PRELID2: variants seen among roughly 807,000 people sequenced by gnomAD.
The protein encoded by PRELID2 is PRELI domain-containing protein 2.
In PRELID2, 25 loss-of-function variants were observed where a neutral mutation model predicts 28.4. The ratio of observed to expected loss-of-function variants is 0.88; its 90% CI spans 0.64 to 1.23. The LOEUF (loss-of-function observed/expected upper bound fraction) is 1.23, where lower values mean the gene tolerates loss of function less well. Among genes scored for constraint, PRELID2 ranks in the 50% most tolerant of loss-of-function variants. PRELID2 has a pLI of 0.00. For synonymous variants in PRELID2, 76 were observed against 71.6 expected (o/e 1.06, Z -0.31); for missense variants, 201 against 214.4 (o/e 0.94, Z 0.39).
chr5:145,700,313 G>T (rs1755377298), intron 1 of PRELID2, among the ~76,000 whole-genome samples: 1 of 151,898 alleles, frequency 6.6e-6, no homozygotes, highest in South Asian at 2.1e-4. Context: ...CAACTTCAGT[G>T]ATGTATGTGA....
chr5:145,835,241 G>A lies in PRELID2; in HGVS notation c.11C>T (p.Ser4Leu), dbSNP rs749764630. 2.0e-5 allele frequency: 31 copies of A among 1,547,586 alleles called. No individual in the cohort carries two copies. The highest frequency in any genetic ancestry group is 7.9e-6 in the Non-Finnish European group (9 of 1,144,632). The change falls in exon 1 of 7, where the codon TCG (serine) becomes TTG (leucine). Residue 4 changes from serine (S) to leucine (L), a missense_variant. Ser to Leu is a moderately radical substitution (Grantham distance 145). Coordinates refer to ENST00000683046, the MANE Select transcript of PRELID2 (RefSeq NM_205846.3). Reference sequence around the variant, plus strand: ...CTTGTACACCTGGTGCACATCCACCGAGACCCCCATCCCCGCGCGCCGCGG... The same window carrying A: ...CTTGTACACCTGGTGCACATCCACCAAGACCCCCATCCCCGCGCGCCGCGG... MGV[S>L]VDVHQVYKYP...
chr5:145,316,276 C>T, the PRELID2 span, among the ~76,000 whole-genome samples: 1 of 152,148 alleles, frequency 6.6e-6, no homozygotes. Flanking sequence ...TCATGCAGAG[C>T]ACAAAAGAGA....
intron 1 of PRELID2, among the ~76,000 whole-genome samples, chr5:145,727,915 C>T (rs1354205168): frequency 6.6e-6 from 1 of 152,206 alleles, no homozygotes; most frequent in Admixed American, 6.5e-5. Flanking sequence ...TTTCCTATTG[C>T]TAGCACAACT....
In PRELID2 at chr5:145,741,676, T is replaced by TTATAAATAATTTATTTATA. The variant is rs1158248828; in HGVS notation, n.70+23236_70+23254dup. 1.1e-3 allele frequency among the ~76,000 whole-genome samples: 19 copies of TTATAAATAATTTATTTATA among 17,734 alleles called. 8 individuals are homozygous for TTATAAATAATTTATTTATA. Among genetic ancestry groups the TTATAAATAATTTATTTATA allele is most frequent in the Non-Finnish European group, 1.6e-3 (17 of 10,378 alleles). 11.6% of individuals were successfully genotyped at this position (17,734 alleles called of 152,430 possible). A position where few individuals can be genotyped will look rare whatever the true frequency, so the allele number is the denominator to read the frequency against. ...AATAATTTATTTATATATAAATAAT[T>TTATAAATAATTTATTTATA]TATAAATAATTTATTTATATATAAA... is the stretch of plus-strand genomic sequence containing the variant. On this transcript the variant is annotated intron_variant and non_coding_transcript_variant, in intron 1 of 2. Coordinates refer to the PRELID2 transcript ENST00000510259.
the PRELID2 span, among the ~76,000 whole-genome samples, chr5:145,382,965 TGAGA>T: frequency 2.3e-4 from 35 of 151,898 alleles, no homozygotes; most frequent in African/African-American, 7.5e-4. Context: ...GAAACACTAC[TGAGA>T]GAATTTTAAA....
intron 1 of PRELID2, among the ~76,000 whole-genome samples, chr5:145,581,817 C>A (rs1835976): frequency 0.12 from 18,475 of 151,992 alleles, 3,128 homozygotes; most frequent in African/African-American, 0.38. Context: ...CAGTCATGCA[C>A]CACATAGTGA....
At chr5:145,416,796 G>A in the PRELID2 span, among the ~76,000 whole-genome samples, 2 of 151,932 alleles carry the variant, frequency 1.3e-5, no homozygotes, top group Non-Finnish European at 2.9e-5. Flanking sequence ...CAACAAAAGA[G>A]CTGAACTGAA....
At chr5:145,301,930 C>CTTTTTTT in the PRELID2 span, among the ~76,000 whole-genome samples, 306 of 109,976 alleles carry the variant, frequency 2.8e-3, no homozygotes, top group East Asian at 4.6e-3. Flanking sequence ...TTATTCATTT[C>CTTTTTTT]TTTTTTTTTT....
chr5:145,806,263 T>C lies in PRELID2; in HGVS notation c.369-9716A>G, dbSNP rs141181951. 3.1e-3 allele frequency among the ~76,000 whole-genome samples: 479 copies of C among 152,266 alleles called. 2 individuals are homozygous for C. The highest frequency in any genetic ancestry group is 0.01 in the African/African-American group (436 of 41,546). ...AACACATTGCATAACTGTACAAAAA[T>C]ATTGTCTTTTAAATTCTTATTCTAT... On this transcript the variant is annotated intron_variant, in intron 4 of 6. Transcript: ENST00000683046.
chr5:145,579,484 G>A (rs1193855485), intron 1 of PRELID2, among the ~76,000 whole-genome samples: 1 of 152,064 alleles, frequency 6.6e-6, no homozygotes, highest in Admixed American at 6.6e-5. Context: ...GCCCATTGAA[G>A]TTTAAGGATA....
chr5:145,674,572 A>C (rs1309721079), intron 1 of PRELID2, among the ~76,000 whole-genome samples: 1 of 152,208 alleles, frequency 6.6e-6, no homozygotes, highest in Non-Finnish European at 1.5e-5. Context: ...ATACCTGGTA[A>C]GTCAAATGGA....
chr5:145,733,503 C>T (rs1040378989), intron 1 of PRELID2, among the ~76,000 whole-genome samples: 1 of 152,184 alleles, frequency 6.6e-6, no homozygotes, highest in African/African-American at 2.4e-5. Flanking sequence ...GCATTATCTT[C>T]CTTCCATAAA....
rs1343204767 is a variant in PRELID2 at position 145,756,930 on chromosome 5, G to A, written c.*3606C>T. The stretch of plus-strand genomic sequence containing the variant: ...AACTCAAAGAGCAAATGTATCTGGA[G>A]CCTTCAGTGTAGGGACTTTAACAAA... On this transcript the variant is annotated 3_prime_UTR_variant, in exon 7 of 7. Transcript: ENST00000683046. Among the ~76,000 whole-genome samples, 1 of 152,164 alleles carries A rather than the reference G, an allele frequency of 6.6e-6. No individual in the cohort carries two copies. The highest frequency in any genetic ancestry group is 2.4e-5 in the African/African-American group (1 of 41,444).
In PRELID2 at chr5:145,741,651, AATAATTT is replaced by A. The variant is rs1561568291; in HGVS notation, n.70+23273_70+23279del. 1.6e-3 allele frequency among the ~76,000 whole-genome samples: 39 copies of A among 23,680 alleles called. 3 individuals carry two copies. The highest frequency in any genetic ancestry group is 2.3e-3 in the Admixed American group (4 of 1,726). 15.5% of individuals were successfully genotyped at this position (23,680 alleles called of 152,430 possible). A position where few individuals can be genotyped will look rare whatever the true frequency, so the allele number is the denominator to read the frequency against. ...TTTATTTATAATTTATTTATATATA[AATAATTT>A]ATTTATATATAAATAATTTATAAAT... is the stretch of plus-strand genomic sequence containing the variant. On this transcript the variant is annotated intron_variant and non_coding_transcript_variant, in intron 1 of 2. Transcript: ENST00000510259.
At chr5:145,433,857 C>T in the PRELID2 span, among the ~76,000 whole-genome samples, 3 of 152,178 alleles carry the variant, frequency 2.0e-5, no homozygotes, top group African/African-American at 2.4e-5. Flanking sequence ...ATCATTTTTA[C>T]GATTGCAATT....
chr5:145,685,105 T>C (rs1040215804), intron 1 of PRELID2, among the ~76,000 whole-genome samples: 3 of 152,192 alleles, frequency 2.0e-5, no homozygotes, highest in Non-Finnish European at 2.9e-5. Context: ...ACTATCCCAA[T>C]ACATTGAGAG....
At chr5:145,360,162 G>T in the PRELID2 span, among the ~76,000 whole-genome samples, 1 of 152,260 alleles carries the variant, frequency 6.6e-6, no homozygotes, top group East Asian at 1.9e-4. Flanking sequence ...ATATTGGCCA[G>T]AATGGAAAGA....
intron 1 of PRELID2, among the ~76,000 whole-genome samples, chr5:145,476,949 ATAAT>A (rs1216717139): frequency 6.6e-6 from 1 of 152,240 alleles, no homozygotes; most frequent in Non-Finnish European, 1.5e-5. Flanking sequence ...TAATTCGTTA[ATAAT>A]TAATAGTAGC....
intron 1 of PRELID2, among the ~76,000 whole-genome samples, chr5:145,662,423 T>C (rs1204142355): frequency 6.6e-6 from 1 of 152,140 alleles, no homozygotes; most frequent in Admixed American, 6.6e-5. Context: ...TGTTCAGTAC[T>C]TGCTGGATTA....
Sources: allele counts gnomAD v4.1 joint callset (sites outside exome capture counted in the v4.1 genomes callset), GRCh38; gene constraint gnomAD v4.1.1; transcripts MANE v1.5; gene names NCBI Gene and HGNC (gene_info 2026-07-23, HGNC 2026-07-21).